Variants in LUZP2 observed in about 807,000 individuals in gnomAD.
LUZP2 encodes leucine zipper protein 2.
In LUZP2, 52 loss-of-function variants were observed where a neutral mutation model predicts 51.6. That is an observed-to-expected ratio of 1.01 (90% CI 0.81 to 1.27). LUZP2 has a LOEUF of 1.27. Among genes scored for constraint, LUZP2 ranks in the 50% most tolerant of loss-of-function variants. The pLI is 0.00. For synonymous variants in LUZP2, 154 were observed against 137.3 expected, an observed-to-expected ratio of 1.12 and a Z score of -0.85; for missense variants, 436 against 395.4, an observed-to-expected ratio of 1.10 and a Z score of -0.87.
At chr11:24,875,859 G>A (rs1262855096) in intron 5 of LUZP2, among the ~76,000 whole-genome samples, 4 of 151,978 alleles carry the variant, frequency 2.6e-5, no homozygotes, top group East Asian at 1.9e-4. Context: ...GCCAGTGATG[G>A]TGAGCATTTT....
intron 5 of LUZP2, among the ~76,000 whole-genome samples, chr11:24,868,493 A>C (rs1158999416): frequency 1.3e-5 from 2 of 152,156 alleles, no homozygotes; most frequent in African/African-American, 4.8e-5. Flanking sequence ...TGTGCACTAC[A>C]TGTGTTAATA....
At chr11:24,553,431 C>T (rs531655545) in intron 1 of LUZP2, among the ~76,000 whole-genome samples, 19 of 151,760 alleles carry the variant, frequency 1.3e-4, no homozygotes, top group Middle Eastern at 3.4e-3. Flanking sequence ...GAAAAAAAGG[C>T]TAAAGCAATT....
intron 9 of LUZP2, among the ~76,000 whole-genome samples, chr11:25,006,120 G>A (rs1856829250): frequency 1.3e-5 from 2 of 152,030 alleles, no homozygotes; most frequent in African/African-American, 4.8e-5. Context: ...TTGTGCTTTG[G>A]GCAAAAATTA....
At chr11:24,691,608 C>T (rs1857068707) in intron 1 of LUZP2, among the ~76,000 whole-genome samples, 1 of 150,868 alleles carries the variant, frequency 6.6e-6, no homozygotes, top group South Asian at 2.1e-4. Context: ...TGGAATATTT[C>T]AGAATTTTAT....
chr11:24,530,259 T>A (rs1470570880), intron 1 of LUZP2, among the ~76,000 whole-genome samples: 1 of 150,838 alleles, frequency 6.6e-6, no homozygotes, highest in Non-Finnish European at 1.5e-5. Flanking sequence ...TCAGGGAAAG[T>A]TAAATGCATA....
intron 6 of LUZP2, among the ~76,000 whole-genome samples, chr11:24,908,965 G>T (rs911295928): frequency 6.6e-6 from 1 of 151,526 alleles, no homozygotes; most frequent in Non-Finnish European, 1.5e-5. Flanking sequence ...GTTTCACTGT[G>T]TTAGCCAGGA....
intron 1 of LUZP2, among the ~76,000 whole-genome samples, chr11:24,521,368 A>AT (rs1564966710): frequency 1.3e-5 from 1 of 79,916 alleles, no homozygotes; most frequent in Non-Finnish European, 2.5e-5. Context: ...AAAAAAAAAA[A>AT]GGTGGGGGTG....
intron 5 of LUZP2, among the ~76,000 whole-genome samples, chr11:24,770,561 C>T (rs1860370018): frequency 6.6e-6 from 1 of 152,002 alleles, no homozygotes; most frequent in Non-Finnish European, 1.5e-5. Context: ...ATTTAATGTC[C>T]TTTTATATTT....
chr11:24,623,249 G>GA (rs60679149), intron 1 of LUZP2, among the ~76,000 whole-genome samples: 65,433 of 150,944 alleles, frequency 0.43, 14,235 homozygotes, highest in Middle Eastern at 0.48. Flanking sequence ...ATGGGAAAAG[G>GA]AAAAAAAAAT....
At chr11:24,570,889 G>T (rs1852415939) in intron 1 of LUZP2, among the ~76,000 whole-genome samples, 1 of 151,910 alleles carries the variant, frequency 6.6e-6, no homozygotes, top group African/African-American at 2.4e-5. Flanking sequence ...GAGAGGAAAT[G>T]ATTTATCTGA....
intron 1 of LUZP2, among the ~76,000 whole-genome samples, chr11:24,686,079 G>C (rs2133879190): frequency 6.6e-6 from 1 of 152,200 alleles, no homozygotes; most frequent in Middle Eastern, 3.4e-3. Context: ...GACTGAGTAA[G>C]CCAAACATGC....
intron 1 of LUZP2, among the ~76,000 whole-genome samples, chr11:24,650,797 G>T (rs1038958902): frequency 2.0e-5 from 3 of 152,052 alleles, no homozygotes; most frequent in African/African-American, 7.2e-5. Context: ...GTGAGAGCTT[G>T]TTTCTTTGTA....
intron 5 of LUZP2, among the ~76,000 whole-genome samples, chr11:24,794,139 T>C (rs1849483390): frequency 6.6e-6 from 1 of 152,102 alleles, no homozygotes; most frequent in African/African-American, 2.4e-5. Context: ...AGCCTGGCCT[T>C]GTTAGCCTTG....
intron 9 of LUZP2, among the ~76,000 whole-genome samples, chr11:24,988,490 A>G (rs1027446698): frequency 1.6e-4 from 25 of 152,178 alleles, no homozygotes; most frequent in Non-Finnish European, 1.2e-4. Flanking sequence ...ATCACAGCCA[A>G]TGTTCTTGTT....
At chr11:24,933,646 A>T (rs908772563) in intron 7 of LUZP2, among the ~76,000 whole-genome samples, 5 of 152,196 alleles carry the variant, frequency 3.3e-5, no homozygotes, top group African/African-American at 1.2e-4. Flanking sequence ...TTATAGATTT[A>T]CATAAGGCCT....
chr11:24,593,194 T>C (rs996725538), intron 1 of LUZP2, among the ~76,000 whole-genome samples: 29 of 152,176 alleles, frequency 1.9e-4, no homozygotes, highest in African/African-American at 6.8e-4. Context: ...TCCCTAGCGC[T>C]GTATTTCCAT....
intron 1 of LUZP2, among the ~76,000 whole-genome samples, chr11:24,645,918 G>C (rs1554967474): frequency 6.6e-6 from 1 of 151,798 alleles, no homozygotes; most frequent in Non-Finnish European, 1.5e-5. Flanking sequence ...ATTAATCCTT[G>C]TGGAATCAAA....
intron 7 of LUZP2, among the ~76,000 whole-genome samples, chr11:24,936,636 G>A (rs940634248): frequency 1.3e-5 from 2 of 151,618 alleles, no homozygotes; most frequent in African/African-American, 4.8e-5. Flanking sequence ...CCACAGAGAC[G>A]CCAGCCCTCT....
chr11:24,753,292 G>A (rs11028140), intron 4 of LUZP2, among the ~76,000 whole-genome samples: 3,620 of 152,228 alleles, frequency 0.024, 144 homozygotes, highest in African/African-American at 0.081. Context: ...AGAAATAGGG[G>A]AAGGGGCAAG....
Sources: allele counts gnomAD v4.1 joint callset (sites outside exome capture counted in the v4.1 genomes callset), GRCh38; gene constraint gnomAD v4.1.1; transcripts MANE v1.5; gene names NCBI Gene and HGNC (gene_info 2026-07-23, HGNC 2026-07-21).